RALGPS1: variants seen among roughly 807,000 people sequenced by gnomAD.
The protein encoded by RALGPS1 is Ral GEF with PH domain and SH3 binding motif 1, also known as ras-specific guanine nucleotide-releasing factor RalGPS1.
Under a neutral mutation model 78.8 loss-of-function variants are expected in RALGPS1, and 19 were observed. That is an observed-to-expected ratio of 0.24 (90% CI 0.17 to 0.35). RALGPS1 has a LOEUF of 0.35. Among genes scored for constraint, RALGPS1 ranks in the 10% least tolerant of loss-of-function variants. The pLI is 1.00. For missense variants in RALGPS1, 454 were observed against 688.3 expected, an observed-to-expected ratio of 0.66 and a Z score of 3.81; for synonymous variants, 228 against 256.3, an observed-to-expected ratio of 0.89 and a Z score of 1.06.
chr9:126,985,646 A>G (rs1288673701), intron 4 of RALGPS1, among the ~76,000 whole-genome samples: 4 of 152,204 alleles, frequency 2.6e-5, no homozygotes, highest in African/African-American at 9.7e-5. Context: ...CTGCTGGTCA[A>G]ATTTTAACAT....
At chr9:126,931,979 A>AT (rs1382921598) in intron 1 of RALGPS1, among the ~76,000 whole-genome samples, 1 of 101,004 alleles carries the variant, frequency 9.9e-6, no homozygotes, top group Non-Finnish European at 2.6e-5. Flanking sequence ...GTCCACAGAC[A>AT]TGTTTTTTTT....
At chr9:127,023,446 A>G (rs2045656185) in intron 4 of RALGPS1, among the ~76,000 whole-genome samples, 1 of 151,756 alleles carries the variant, frequency 6.6e-6, no homozygotes, top group Admixed American at 6.6e-5. Context: ...TCTTTTCTTC[A>G]ATTTTTCTTC....
At chr9:126,966,146 C>T (rs1264935163) in intron 3 of RALGPS1, among the ~76,000 whole-genome samples, 195 bp downstream of exon 3, 1 of 152,170 alleles carries the variant, frequency 6.6e-6, no homozygotes, top group Non-Finnish European at 1.5e-5. Context: ...ATTAACTACC[C>T]TGGAAGGCTG....
intron 1 of RALGPS1, among the ~76,000 whole-genome samples, chr9:126,926,383 C>G (rs2035281587): frequency 1.3e-5 from 2 of 152,184 alleles, no homozygotes; most frequent in African/African-American, 4.8e-5. Flanking sequence ...GAGTAAGACT[C>G]ACAGGCTCTT....
chr9:127,001,029 C>A (rs184806752), intron 4 of RALGPS1, among the ~76,000 whole-genome samples: 1 of 151,712 alleles, frequency 6.6e-6, no homozygotes, highest in East Asian at 2.0e-4. Context: ...AATCCCAACA[C>A]TTTGGGAGGC....
intron 1 of RALGPS1, among the ~76,000 whole-genome samples, chr9:126,948,569 GA>G (rs142873370): frequency 0.019 from 2,830 of 152,198 alleles, 98 homozygotes; most frequent in African/African-American, 0.064. Flanking sequence ...CCTCATCCTT[GA>G]AAAGGTTAGG....
intron 9 of RALGPS1, among the ~76,000 whole-genome samples, chr9:127,167,021 G>T (rs1294599579): frequency 6.6e-6 from 1 of 151,802 alleles, no homozygotes; most frequent in East Asian, 1.9e-4. Context: ...AGCCGTGAAG[G>T]GGGTGTGGTG....
At chr9:127,174,227 A>G (rs890189120) in intron 10 of RALGPS1, among the ~76,000 whole-genome samples, 1 of 151,960 alleles carries the variant, frequency 6.6e-6, no homozygotes, top group Non-Finnish European at 1.5e-5. Flanking sequence ...AAAGAAAGAA[A>G]GAAAGACAGA....
intron 14 of RALGPS1, among the ~76,000 whole-genome samples, chr9:127,204,526 C>G (rs566331188): frequency 2.6e-4 from 40 of 152,122 alleles, no homozygotes; most frequent in Middle Eastern, 3.4e-3. Context: ...TCCTCAAATG[C>G]AGTTCAGTCA....
chr9:127,179,170 A>G (rs2060063005), intron 11 of RALGPS1, among the ~76,000 whole-genome samples: 1 of 152,178 alleles, frequency 6.6e-6, no homozygotes, highest in Non-Finnish European at 1.5e-5. Context: ...TTTTCCACCA[A>G]TTTTCCAAAT....
chr9:126,979,879 C>T (rs952809845), intron 4 of RALGPS1, among the ~76,000 whole-genome samples: 1 of 152,162 alleles, frequency 6.6e-6, no homozygotes, highest in African/African-American at 2.4e-5. Context: ...CCAGAGTCCC[C>T]TCCCCAACAC....
At chr9:127,076,916 C>T (rs2050728665) in intron 8 of RALGPS1, among the ~76,000 whole-genome samples, 1 of 152,204 alleles carries the variant, frequency 6.6e-6, no homozygotes, top group Non-Finnish European at 1.5e-5. Flanking sequence ...GAGCATTTTA[C>T]ACGAAGATGA....
At chr9:127,149,912 A>G (rs1434846211) in intron 8 of RALGPS1, among the ~76,000 whole-genome samples, 1 of 152,236 alleles carries the variant, frequency 6.6e-6, no homozygotes, top group Non-Finnish European at 1.5e-5. Flanking sequence ...AGGTCAGCCC[A>G]TGTGGCAGCA....
intron 7 of RALGPS1, among the ~76,000 whole-genome samples, chr9:127,066,746 T>TTCATTTCAAATGCTGCC (rs1254800226): frequency 1.9e-4 from 29 of 152,176 alleles, no homozygotes; most frequent in Non-Finnish European, 3.5e-4. Context: ...TCCTTAAGTG[T>TTCATTTCAAATGCTGCC]TCATTTCAAA....
intron 5 of RALGPS1, among the ~76,000 whole-genome samples, chr9:127,049,185 C>T (rs549172037): frequency 3.3e-4 from 51 of 152,280 alleles, no homozygotes; most frequent in South Asian, 2.1e-4. Flanking sequence ...CTTGGGCATC[C>T]GTGTTTCACA....
At chr9:126,916,507 G>C (rs1446558171) in intron 1 of RALGPS1, among the ~76,000 whole-genome samples, 1 of 152,186 alleles carries the variant, frequency 6.6e-6, no homozygotes, top group African/African-American at 2.4e-5. Flanking sequence ...AGGGTCGGGC[G>C]CGGTGGCTCA....
intron 1 of RALGPS1, among the ~76,000 whole-genome samples, chr9:126,947,785 C>T (rs2037419624): frequency 6.6e-6 from 1 of 152,148 alleles, no homozygotes; most frequent in Non-Finnish European, 1.5e-5. Context: ...GACTTTAAAG[C>T]CTCCCCAAAT....
chr9:127,012,565 G>A (rs1169633033), intron 4 of RALGPS1, among the ~76,000 whole-genome samples: 2 of 152,204 alleles, frequency 1.3e-5, no homozygotes, highest in Non-Finnish European at 2.9e-5. Flanking sequence ...AAACCCCTAA[G>A]CTGCTGCTGT....
intron 8 of RALGPS1, among the ~76,000 whole-genome samples, chr9:127,074,788 G>C (rs2050532640): frequency 6.6e-6 from 1 of 152,244 alleles, no homozygotes; most frequent in African/African-American, 2.4e-5. Context: ...ACTGGGCCCA[G>C]ATGGCCTGGC....
Sources: gnomAD v4.1 joint callset for allele counts (sites outside exome capture counted in the v4.1 genomes callset) on GRCh38, gnomAD v4.1.1 for gene constraint, MANE v1.5 for transcripts, NCBI Gene and HGNC (gene_info 2026-07-23, HGNC 2026-07-21) for gene names.